The following DPP10 variants were observed in gnomAD, a reference collection of about 807,000 sequenced individuals.
DPP10 encodes inactive dipeptidyl peptidase 10.
In DPP10, 33 loss-of-function variants were observed where a neutral mutation model predicts 120.9. That is an observed-to-expected ratio of 0.27 (90% CI 0.21 to 0.37). DPP10 has a LOEUF of 0.37. DPP10 is among the 10% of genes least tolerant of loss of function. The pLI is 1.00. For missense variants in DPP10, 816 were observed against 942.8 expected (o/e 0.87, Z 1.76); for synonymous variants, 337 against 326.1 (o/e 1.03, Z -0.36).
intron 1 of DPP10, among the ~76,000 whole-genome samples, chr2:114,995,280 T>C (rs1701007411): frequency 6.6e-6 from 1 of 152,234 alleles, no homozygotes; most frequent in African/African-American, 2.4e-5. Flanking sequence ...ACCAATATGG[T>C]TGCTTTGCCT....
chr2:115,137,463 C>G (rs1252086526), intron 1 of DPP10, among the ~76,000 whole-genome samples: 1 of 152,304 alleles, frequency 6.6e-6, no homozygotes, highest in African/African-American at 2.4e-5. Flanking sequence ...ACTATCCACC[C>G]TGCAGAGGAT....
chr2:115,783,302 A>G (rs888130366), intron 17 of DPP10, among the ~76,000 whole-genome samples: 1 of 152,130 alleles, frequency 6.6e-6, no homozygotes, highest in Non-Finnish European at 1.5e-5. Context: ...AAATGGCAGA[A>G]CCAGGGATCA....
intron 1 of DPP10, among the ~76,000 whole-genome samples, chr2:114,799,125 A>G (rs1431014654): frequency 1.3e-5 from 2 of 152,190 alleles, no homozygotes; most frequent in Non-Finnish European, 2.9e-5. Context: ...GCGAAACTCC[A>G]TCTCAAGAGA....
chr2:115,447,789 A>T (rs2072746120), intron 3 of DPP10, among the ~76,000 whole-genome samples: 1 of 152,192 alleles, frequency 6.6e-6, no homozygotes, highest in Non-Finnish European at 1.5e-5. Context: ...TCCTTTGTAA[A>T]TTACCCAGTC....
At chr2:114,875,244 T>C (rs1012667269) in intron 1 of DPP10, among the ~76,000 whole-genome samples, 1 of 152,144 alleles carries the variant, frequency 6.6e-6, no homozygotes, top group Non-Finnish European at 1.5e-5. Context: ...TTGAATCCCA[T>C]AATGGGAAGG....
chr2:115,736,170 A>T (rs1676479307), intron 8 of DPP10, among the ~76,000 whole-genome samples: 1 of 152,120 alleles, frequency 6.6e-6, no homozygotes, highest in Non-Finnish European at 1.5e-5. Context: ...CTTCAATATT[A>T]TGGGAATAAG....
chr2:114,769,983 C>G (rs139329725), intron 1 of DPP10, among the ~76,000 whole-genome samples: 1 of 152,256 alleles, frequency 6.6e-6, no homozygotes, highest in East Asian at 1.9e-4. Flanking sequence ...ACTAACTGAT[C>G]TCAATTTCAG....
At chr2:115,691,744 A>G (rs1231609720) in intron 7 of DPP10, among the ~76,000 whole-genome samples, 1 of 152,126 alleles carries the variant, frequency 6.6e-6, no homozygotes, top group Non-Finnish European at 1.5e-5. Flanking sequence ...TTGAATCTAT[A>G]TGTCTATTTT....
intron 3 of DPP10, among the ~76,000 whole-genome samples, chr2:115,424,886 C>G (rs1014500767): frequency 6.6e-6 from 1 of 152,120 alleles, no homozygotes; most frequent in African/African-American, 2.4e-5. Context: ...TATGATTAAT[C>G]GTCTGTAGAA....
intron 5 of DPP10, among the ~76,000 whole-genome samples, chr2:115,541,500 G>C (rs767487749): frequency 3.3e-5 from 5 of 150,708 alleles, no homozygotes; most frequent in Non-Finnish European, 5.9e-5. Flanking sequence ...GTGTGTGCGA[G>C]AGAGAGAGAG....
intron 1 of DPP10, among the ~76,000 whole-genome samples, chr2:114,564,516 A>G (rs1368790819): frequency 6.6e-6 from 1 of 152,182 alleles, no homozygotes; most frequent in Non-Finnish European, 1.5e-5. Context: ...ATATTCCATG[A>G]TATAAGGTAC....
chr2:114,894,932 C>T (rs927836191), intron 1 of DPP10, among the ~76,000 whole-genome samples: 1 of 152,122 alleles, frequency 6.6e-6, no homozygotes, highest in African/African-American at 2.4e-5. Context: ...TAGTGTGATA[C>T]TAATTCAGTT....
intron 1 of DPP10, among the ~76,000 whole-genome samples, chr2:114,667,667 A>G (rs1394823263): frequency 6.6e-6 from 1 of 152,212 alleles, no homozygotes; most frequent in Non-Finnish European, 1.5e-5. Context: ...TTGCTCAAAT[A>G]GAGCTCAAGG....
intron 1 of DPP10, among the ~76,000 whole-genome samples, chr2:114,457,383 G>A (rs1678639651): frequency 6.6e-6 from 1 of 152,158 alleles, no homozygotes; most frequent in African/African-American, 2.4e-5. Context: ...TCCAGACATT[G>A]CTAGTGTCCT....
At position 114,470,886 on chromosome 2, in the gene DPP10, C is replaced by G. The variant is rs181633399; in HGVS notation, c.60+28048C>G. ...ACACATGCAGACATCATCTCACCAA[C>G]TATGCCCTAAGCACCTCATTGGTGG... On this transcript the variant is annotated intron_variant, in intron 1 of 25. Transcript: ENST00000410059. 6.1e-3 allele frequency among the ~76,000 whole-genome samples: 923 copies of G among 152,336 alleles called. 5 individuals carry two copies. The highest frequency in any genetic ancestry group is 8.6e-3 in the Non-Finnish European group (583 of 68,030).
At chr2:115,105,311 A>G (rs995922353) in intron 1 of DPP10, among the ~76,000 whole-genome samples, 3 of 152,174 alleles carry the variant, frequency 2.0e-5, no homozygotes, top group African/African-American at 7.2e-5. Context: ...TATTTGGCTC[A>G]TGGTTCTGCA....
chr2:115,165,177 C>T (rs1203538112), intron 1 of DPP10, among the ~76,000 whole-genome samples: 1 of 152,120 alleles, frequency 6.6e-6, no homozygotes, highest in Non-Finnish European at 1.5e-5. Flanking sequence ...GAGTACTATT[C>T]TTAGGGTTCA....
At chr2:114,951,809 T>C in intron 1 of DPP10, among the ~76,000 whole-genome samples, 1 of 152,230 alleles carries the variant, frequency 6.6e-6, no homozygotes, top group Admixed American at 6.5e-5. Flanking sequence ...ATCCACTTCC[T>C]CTACCTATTC....
chr2:114,679,969 G>A (rs1029471723), intron 1 of DPP10, among the ~76,000 whole-genome samples: 1 of 151,988 alleles, frequency 6.6e-6, no homozygotes, highest in Non-Finnish European at 1.5e-5. Context: ...AGTCATGACA[G>A]GATTCTCCGC....
Sources: gnomAD v4.1 joint callset for allele counts (sites outside exome capture counted in the v4.1 genomes callset) on GRCh38, gnomAD v4.1.1 for gene constraint, MANE v1.5 for transcripts, NCBI Gene and HGNC (gene_info 2026-07-23, HGNC 2026-07-21) for gene names.